Variants in LUZP2 observed in about 807,000 individuals in gnomAD.
The protein encoded by LUZP2 is leucine zipper protein 2.
LUZP2 carries 52 observed loss-of-function variants against 51.6 expected under a neutral mutation model. The ratio of observed to expected loss-of-function variants is 1.01; its 90% CI spans 0.81 to 1.27. The LOEUF (loss-of-function observed/expected upper bound fraction) is 1.27, where lower values mean the gene tolerates loss of function less well. LUZP2 is among the 50% of genes most tolerant of loss of function. The probability of loss-of-function intolerance (pLI) is 0.00; values close to 1 mark genes in which losing one functional copy is unlikely to be tolerated. For synonymous variants in LUZP2, 154 were observed against 137.3 expected, an observed-to-expected ratio of 1.12 and a Z score of -0.85; for missense variants, 436 against 395.4, an observed-to-expected ratio of 1.10 and a Z score of -0.87.
intron 1 of LUZP2, among the ~76,000 whole-genome samples, chr11:24,531,973 T>C (rs1851015529): frequency 6.6e-6 from 1 of 150,990 alleles, no homozygotes; most frequent in African/African-American, 2.4e-5. Context: ...GCTACCACCG[T>C]AATCCAAGCT....
chr11:24,631,498 C>T (rs1229249352), intron 1 of LUZP2, among the ~76,000 whole-genome samples: 1 of 151,542 alleles, frequency 6.6e-6, no homozygotes, highest in Non-Finnish European at 1.5e-5. Flanking sequence ...ATCCTTAGTC[C>T]TGTTTATGTG....
chr11:24,639,666 G>T (rs1039329842), intron 1 of LUZP2, among the ~76,000 whole-genome samples: 1 of 151,760 alleles, frequency 6.6e-6, no homozygotes, highest in Non-Finnish European at 1.5e-5. Context: ...GGTCAGGCTG[G>T]TCTCTAACTC....
chr11:25,067,655 A>T (rs1859036430), intron 10 of LUZP2, among the ~76,000 whole-genome samples: 1 of 152,270 alleles, frequency 6.6e-6, no homozygotes, highest in Admixed American at 6.5e-5. Flanking sequence ...AATGGCAATC[A>T]TTAAAAAGTC....
intron 7 of LUZP2, among the ~76,000 whole-genome samples, chr11:24,975,823 G>A (rs1855867265): frequency 6.6e-6 from 1 of 151,926 alleles, no homozygotes; most frequent in African/African-American, 2.4e-5. Flanking sequence ...ATAGAGGTAT[G>A]GTAGGATAGA....
At chr11:24,875,223 G>T (rs1730295878) in intron 5 of LUZP2, among the ~76,000 whole-genome samples, 1 of 149,264 alleles carries the variant, frequency 6.7e-6, no homozygotes. Context: ...TTTAGCATTA[G>T]GTATATCTCC....
At chr11:24,653,845 T>C (rs1000148068) in intron 1 of LUZP2, among the ~76,000 whole-genome samples, 13 of 152,256 alleles carry the variant, frequency 8.5e-5, no homozygotes, top group African/African-American at 2.9e-4. Flanking sequence ...CGGTAAGATA[T>C]GAACTGAAAA....
intron 1 of LUZP2, among the ~76,000 whole-genome samples, chr11:24,632,228 T>G (rs1467736199): frequency 6.6e-6 from 1 of 151,982 alleles, no homozygotes; most frequent in Non-Finnish European, 1.5e-5. Flanking sequence ...TGCCATTGTA[T>G]AACTCAAAAT....
At chr11:24,729,688 A>G (rs1191720803) in intron 2 of LUZP2, among the ~76,000 whole-genome samples, 3 of 151,988 alleles carry the variant, frequency 2.0e-5, no homozygotes, top group African/African-American at 7.2e-5. Flanking sequence ...GAAATAGGTA[A>G]ATGCCTTTAA....
intron 5 of LUZP2, among the ~76,000 whole-genome samples, chr11:24,770,963 C>T (rs1004408320): frequency 2.6e-5 from 4 of 152,118 alleles, no homozygotes; most frequent in Admixed American, 2.0e-4. Context: ...CACCACACAC[C>T]CTGGGCCTTC....
At chr11:24,826,943 A>G (rs1850560868) in intron 5 of LUZP2, among the ~76,000 whole-genome samples, 1 of 152,190 alleles carries the variant, frequency 6.6e-6, no homozygotes, top group Non-Finnish European at 1.5e-5. Flanking sequence ...GCAACACAGA[A>G]CAATTAAAAA....
intron 5 of LUZP2, among the ~76,000 whole-genome samples, chr11:24,838,139 A>AT (rs1850913296): frequency 6.6e-6 from 1 of 151,654 alleles, no homozygotes; most frequent in African/African-American, 2.4e-5. Flanking sequence ...CATTGCTGAT[A>AT]TGTAGTACAG....
intron 1 of LUZP2, among the ~76,000 whole-genome samples, chr11:24,582,207 A>G (rs1565005844): frequency 6.6e-6 from 1 of 151,458 alleles, no homozygotes; most frequent in Non-Finnish European, 1.5e-5. Flanking sequence ...TAATAAAAAT[A>G]TTCTTTTTGC....
chr11:25,014,819 C>G (rs1410705976), intron 9 of LUZP2, among the ~76,000 whole-genome samples: 2 of 151,800 alleles, frequency 1.3e-5, no homozygotes, highest in Admixed American at 6.6e-5. Flanking sequence ...ACATGAAGTC[C>G]TTGCCCATGC....
chr11:24,736,391 A>G (rs1469390588), intron 3 of LUZP2, among the ~76,000 whole-genome samples: 1 of 151,828 alleles, frequency 6.6e-6, no homozygotes, highest in Non-Finnish European at 1.5e-5. Context: ...TTATAACTTT[A>G]TTTTCAGTAG....
At chr11:24,743,467 A>T (rs1048804831) in intron 4 of LUZP2, among the ~76,000 whole-genome samples, 1 of 151,990 alleles carries the variant, frequency 6.6e-6, no homozygotes, top group African/African-American at 2.4e-5. Flanking sequence ...AAAGGGGTTG[A>T]ATCCTTGATT....
At chr11:24,926,284 TATAC>T (rs1241818552) in intron 7 of LUZP2, among the ~76,000 whole-genome samples, 1 of 70,102 alleles carries the variant, frequency 1.4e-5, no homozygotes, top group African/African-American at 4.5e-5. Context: ...TGTATATATA[TATAC>T]GTGTGTATAT....
At chr11:24,743,952 T>G (rs1859280653) in intron 4 of LUZP2, among the ~76,000 whole-genome samples, 1 of 152,118 alleles carries the variant, frequency 6.6e-6, no homozygotes. Context: ...CAACAGAGAA[T>G]GCATCATCTG....
chr11:25,002,937 A>T (rs926345567), intron 9 of LUZP2, among the ~76,000 whole-genome samples: 1 of 152,118 alleles, frequency 6.6e-6, no homozygotes, highest in Non-Finnish European at 1.5e-5. Context: ...ATCCATAGTC[A>T]GCAAAAGCCA....
intron 5 of LUZP2, among the ~76,000 whole-genome samples, chr11:24,793,994 G>T (rs1279123490): frequency 6.6e-6 from 1 of 152,020 alleles, no homozygotes; most frequent in Non-Finnish European, 1.5e-5. Flanking sequence ...TTGAGTCTGA[G>T]AAGATACAAG....
Sources: gnomAD v4.1 joint callset for allele counts (sites outside exome capture counted in the v4.1 genomes callset) on GRCh38, gnomAD v4.1.1 for gene constraint, MANE v1.5 for transcripts, NCBI Gene and HGNC (gene_info 2026-07-23, HGNC 2026-07-21) for gene names.